FOXM1: variants seen among roughly 807,000 people sequenced by gnomAD.
The protein encoded by FOXM1 is forkhead box M1.
A neutral mutation model predicts 63.6 loss-of-function variants in FOXM1; 25 were observed. The observed-to-expected ratio is 0.39, with a 90% CI of 0.29 to 0.55. The LOEUF (loss-of-function observed/expected upper bound fraction) is 0.55, where lower values mean the gene tolerates loss of function less well. Ranked by LOEUF, FOXM1 falls within the 20% of genes least tolerant of loss-of-function variation. FOXM1 has a pLI of 0.60. For synonymous variants in FOXM1, 387 were observed against 376.9 expected, an observed-to-expected ratio of 1.03 and a Z score of -0.31; for missense variants, 879 against 958.7, an observed-to-expected ratio of 0.92 and a Z score of 1.10.
chr12:2,873,727 G>A (rs927655768), intron 2 of FOXM1, among the ~76,000 whole-genome samples: 1 of 151,958 alleles, frequency 6.6e-6, no homozygotes, highest in Non-Finnish European at 1.5e-5. Context: ...ACAGACGTGT[G>A]CCACCACGCT....
At chr12:2,868,326 G>A (rs1470006728) in intron 4 of FOXM1, 1 of 368,410 alleles carries the variant, frequency 2.7e-6, no homozygotes, top group Non-Finnish European at 4.8e-6. Context: ...GGGCTTGAGT[G>A]CTACATTGAA....
chr12:2,865,643 C>CTTT (rs58125017), intron 5 of FOXM1, among the ~76,000 whole-genome samples: 3 of 67,972 alleles, frequency 4.4e-5, no homozygotes, highest in Non-Finnish European at 8.6e-5. Context: ...CTAAGGCAGG[C>CTTT]TTTTTTTTTT....
rs1194413261 is a variant in FOXM1 at position 2,864,478 on chromosome 12, G to A, written c.1108C>T (p.Leu370=). The change falls in exon 8 of 9, where the codon CTG becomes TTG. Residue 370 remains leucine, a synonymous_variant. Coordinates refer to ENST00000359843, the MANE Select transcript of FOXM1 (RefSeq NM_021953.4). The surrounding 1 kb of genome is among the most constrained non-coding windows in gnomAD (Gnocchi z 5.1). ...AGGTATGAGCTGACCCGTGGTAGCA[G>A]TGGCTTCATCTTCCGCCCTAGGAGG... ...PLGARRKMKP[L]LPRVSSYLVP... is the part of the protein sequence containing the mutation. The A allele has an allele frequency of 1.2e-6, 2 of 1,612,640 alleles. No individual in the cohort carries two copies. Among genetic ancestry groups the A allele is most frequent in the Admixed American group, 1.7e-5 (1 of 59,940 alleles).
chr12:2,859,084 C>T lies in FOXM1; in HGVS notation c.1846G>A (p.Val616Ile), dbSNP rs1415400485. The T allele has an allele frequency of 6.2e-7, 1 of 1,607,000 alleles. No homozygotes were observed. Among genetic ancestry groups the T allele is most frequent in the Non-Finnish European group, 8.5e-7 (1 of 1,177,070 alleles). ...LPISSTPSKSVLPRTPESWRL... is the reference protein window; with the variant it reads ...LPISSTPSKSILPRTPESWRL... ...CAGGATTCAGGGGTTCTGGGGAGGA[C>T]AGATTTGCTCGGGGTGGAGGAGATG... The change falls in exon 9 of 9, where the codon GTC becomes ATC. Residue 616 changes from valine (V) to isoleucine (I), a missense_variant. Transcript: ENST00000359843.
At chr12:2,871,211 G>GA (rs905399256) in intron 3 of FOXM1, among the ~76,000 whole-genome samples, 6 of 150,794 alleles carry the variant, frequency 4.0e-5, no homozygotes, top group African/African-American at 1.5e-4. Flanking sequence ...TAAAAGTTGA[G>GA]AAAAAAAAGA....
intron 8 of FOXM1, 174 bp from the exon 9 acceptor site, chr12:2,859,837 G>C: frequency 3.4e-6 from 2 of 590,982 alleles, no homozygotes; most frequent in Non-Finnish European, 6.0e-6. Context: ...AAAGATGCGG[G>C]TATGTAGTAT....
At position 2,874,267 on chromosome 12, in the gene FOXM1, G is replaced by C. The variant is rs1434849229; in HGVS notation, c.212C>G (p.Pro71Arg). The C allele has an allele frequency of 6.2e-7, 1 of 1,614,036 alleles. No homozygotes were observed. The highest frequency in any genetic ancestry group is 8.5e-7 in the Non-Finnish European group (1 of 1,180,052). ...GGGGATGGCCACTACTTGCGTGTTG[G>C]GCATGGTGGGGTGGTTAATAATCTT... is the stretch of plus-strand genomic sequence containing the variant. The part of the protein sequence containing the change: ...GIKIINHPTM[P>R]NTQVVAIPNN... Residue 71 changes from proline to arginine, a missense_variant, in exon 2 of 9, where the codon CCC becomes CGC. Around this residue, in one of 4 missense-constraint regions of FOXM1, gnomAD observed 255 missense variants for 292.4 expected, o/e 0.87. Transcript: ENST00000359843. This position sits in a 1 kb window ranked among gnomAD's most constrained non-coding sequence, Gnocchi z 4.3.
At chr12:2,865,071 G>A (rs1004360135) in intron 6 of FOXM1, 16 of 584,174 alleles carry the variant, frequency 2.7e-5, no homozygotes, top group South Asian at 1.0e-4. Context: ...GTGAGCGAAC[G>A]AACTGCCGCC....
rs1402388456 is a variant in FOXM1, at chr12:2,859,420, C to T, written c.1510G>A (p.Asp504Asn). 6.2e-7 allele frequency: 1 copy of T among 1,614,024 alleles called. No individual in the cohort carries two copies. The highest frequency in any genetic ancestry group is 1.7e-5 in the Admixed American group (1 of 59,994). The change falls in exon 9 of 9, where the codon GAT becomes AAT. Residue 504 changes from aspartate to asparagine, a missense_variant. Transcript: ENST00000359843. ...FKEESSHSWE[D>N]SSQSPTPRPK... ...CTTGGGGTGGGAGATTGGGACGAAT[C>T]CTCCCAGGAGTGAGATGATTCCTCT... is the stretch of plus-strand genomic sequence containing the variant.
Position 2,874,396 on chromosome 12 carries a change from GATGTTTCACTTGGGGCATTTT to G in FOXM1, c.62_82del (p.Gln21_Ser28delinsPro). ...AGGGGATCTCTTAGGTTCCTCCTCT[GATGTTTCACTTGGGGCATTTT>G]GAACAGGAAGGGGCAGCCTCCGTCT... On this transcript the variant is annotated inframe_deletion, in exon 2 of 9. Coordinates refer to ENST00000359843, the MANE Select transcript of FOXM1 (RefSeq NM_021953.4). The surrounding 1 kb of genome is among the most constrained non-coding windows in gnomAD (Gnocchi z 4.3). 1.9e-6 allele frequency: 3 copies of G among 1,614,090 alleles called. No homozygotes were observed. The highest frequency in any genetic ancestry group is 2.5e-6 in the Non-Finnish European group (3 of 1,180,010).
Position 2,864,594 on chromosome 12 carries a change from G to A in FOXM1, c.1090+89C>T. 2.5e-6 allele frequency: 4 copies of A among 1,585,012 alleles called. No individual in the cohort carries two copies. Among genetic ancestry groups the A allele is most frequent in the Non-Finnish European group, 3.5e-6 (4 of 1,154,498 alleles). ...TCCTTCTCTGGGCTCAGATCCCTTTGAGGTGGGAACAGAATCCCAGAGTCT... is the reference window on the plus strand; with the variant it reads ...TCCTTCTCTGGGCTCAGATCCCTTTAAGGTGGGAACAGAATCCCAGAGTCT... On this transcript the variant is annotated intron_variant, in intron 7 of 8. Transcript: ENST00000359843. This position sits in a 1 kb window ranked among gnomAD's most constrained non-coding sequence, Gnocchi z 5.1.
chr12:2,876,893 G>C (rs1020395121), intron 1 of FOXM1, 27 bp downstream of exon 1: 8 of 152,668 alleles, frequency 5.2e-5, no homozygotes, highest in Non-Finnish European at 8.8e-5. Context: ...GGCCAGGCCT[G>C]GGACTCCATT....
Position 2,864,856 on chromosome 12 carries a change from T to A in FOXM1, c.1021-104A>T. The A allele has an allele frequency of 7.7e-7, 1 of 1,302,700 alleles. No homozygotes were observed. The highest frequency in any genetic ancestry group is 1.1e-6 in the Non-Finnish European group (1 of 900,934). 80.7% of individuals were successfully genotyped at this position (1,302,700 alleles called of 1,614,324 possible). ...CTGCTCTGGTGGTGTGTGCTTGAGT[T>A]AATGACAGCCCAGAGAGAGGAGGCC... is the stretch of plus-strand genomic sequence containing the variant. On this transcript the variant is annotated intron_variant, in intron 6 of 8. Transcript: ENST00000359843. This position sits in a 1 kb window ranked among gnomAD's most constrained non-coding sequence, Gnocchi z 5.1.
At chr12:2,861,989 A>G (rs200398272) in intron 8 of FOXM1, among the ~76,000 whole-genome samples, 4 of 151,810 alleles carry the variant, frequency 2.6e-5, no homozygotes, top group Admixed American at 6.6e-5. Context: ...GACCAGCCTG[A>G]CCAACATGGT....
At position 2,864,189 on chromosome 12, in the gene FOXM1, G is replaced by T; in HGVS notation, c.1266+131C>A. On this transcript the variant is annotated intron_variant, in intron 8 of 8. Coordinates refer to ENST00000359843, the MANE Select transcript of FOXM1 (RefSeq NM_021953.4). The surrounding 1 kb of genome is among the most constrained non-coding windows in gnomAD (Gnocchi z 5.1). ...TTCTAATGCTATTACACTTCCCTAT[G>T]TTTTTATGCCTTTTCTACCCAACTA... is the stretch of plus-strand genomic sequence containing the variant. 2.5e-6 allele frequency: 2 copies of T among 805,086 alleles called. No individual in the cohort carries two copies. Among genetic ancestry groups the T allele is most frequent in the Non-Finnish European group, 4.0e-6 (2 of 499,906 alleles). The allele number at this position is 805,086 out of a possible 1,614,324, so 49.9% of individuals were successfully genotyped here. A position where few individuals can be genotyped will look rare whatever the true frequency, so the allele number is the denominator to read the frequency against.
Position 2,858,814 on chromosome 12 carries a change from C to T in FOXM1, c.2116G>A (p.Glu706Lys), listed in dbSNP as rs778481065. 1 of 1,614,154 alleles carries T rather than the reference C, an allele frequency of 6.2e-7. No individual in the cohort carries two copies. The highest frequency in any genetic ancestry group is 8.5e-7 in the Non-Finnish European group (1 of 1,180,024). ...DIDVPKPGSPEPQVSGLAANR... is the reference protein window; with the variant it reads ...DIDVPKPGSPKPQVSGLAANR... ...GCTGCAAGGCCAGAAACCTGTGGCT[C>T]CGGGGAGCCTGGCTTGGGGACGTCT... is the stretch of plus-strand genomic sequence containing the variant. Residue 706 changes from glutamate to lysine, a missense_variant, in exon 9 of 9, where the codon GAG becomes AAG. Physicochemically the swap from Glu to Lys is moderately conservative, Grantham distance 56 (BLOSUM62 1). Coordinates refer to ENST00000359843, the MANE Select transcript of FOXM1 (RefSeq NM_021953.4).
chr12:2,867,070 T>G (rs1341478288), intron 4 of FOXM1, among the ~76,000 whole-genome samples: 1 of 151,808 alleles, frequency 6.6e-6, no homozygotes, highest in African/African-American at 2.4e-5. Context: ...GGGGAATCAC[T>G]TGAACCTGGG....
At position 2,872,329 on chromosome 12, in the gene FOXM1, G is replaced by A. The variant is rs2098134569; in HGVS notation, c.503-82C>T. ...GTCCATCAGAATTGGTGGCTAGCAG[G>A]CCGGGTGCAGTGGCTCACACCTGTA... On this transcript the variant is annotated intron_variant, in intron 2 of 8. Coordinates refer to ENST00000359843, the MANE Select transcript of FOXM1 (RefSeq NM_021953.4). This position sits in a 1 kb window ranked among gnomAD's most constrained non-coding sequence, Gnocchi z 4.0. 1.4e-6 allele frequency: 2 copies of A among 1,476,260 alleles called. No individual in the cohort carries two copies. Among genetic ancestry groups the A allele is most frequent in the Non-Finnish European group, 1.9e-6 (2 of 1,067,174 alleles). 91.4% of individuals were successfully genotyped at this position (1,476,260 alleles called of 1,614,324 possible).
rs574709959 is a variant in FOXM1, at chr12:2,862,908, T to G, written c.1266+1412A>C. On this transcript the variant is annotated intron_variant, in intron 8 of 8. Transcript: ENST00000359843. ...CTCTAAACTCCAGACTCTATGCTAT[T>G]TTCATCTCTCTGAAGGGGATGGGGG... 4.7e-5 allele frequency among the ~76,000 whole-genome samples: 7 copies of G among 150,390 alleles called. No individual in the cohort carries two copies. In the South Asian group the frequency reaches 1.5e-3, roughly 31 times the overall value.
Sources: allele counts gnomAD v4.1 joint callset (sites outside exome capture counted in the v4.1 genomes callset), GRCh38; gene constraint gnomAD v4.1.1; regional missense constraint gnomAD v4.1.1; non-coding constraint Gnocchi (gnomAD v3.1); transcripts MANE v1.5; gene names NCBI Gene and HGNC (gene_info 2026-07-23, HGNC 2026-07-21).